The following PRKG1 variants were observed in gnomAD, a reference collection of about 807,000 sequenced individuals.
PRKG1 encodes protein kinase cGMP-dependent 1.
A neutral mutation model predicts 88.1 loss-of-function variants in PRKG1; 35 were observed. That is an observed-to-expected ratio of 0.40 (90% CI 0.30 to 0.53). The LOEUF is 0.53. PRKG1 is among the 20% of genes least tolerant of loss of function. The pLI is 0.59. For missense variants in PRKG1, 540 were observed against 839.8 expected (o/e 0.64, Z 4.41); for synonymous variants, 303 against 292.5 (o/e 1.04, Z -0.37).
intron 3 of PRKG1, among the ~76,000 whole-genome samples, chr10:51,687,018 A>G (rs562740335): frequency 1.6e-4 from 24 of 152,214 alleles, no homozygotes; most frequent in African/African-American, 5.5e-4. Context: ...TTACAGGCAT[A>G]TATTACACCC....
intron 3 of PRKG1, among the ~76,000 whole-genome samples, chr10:51,773,415 A>T (rs1838355290): frequency 6.6e-6 from 1 of 152,026 alleles, no homozygotes; most frequent in African/African-American, 2.4e-5. Context: ...AGTTCCTGTA[A>T]CTGCTTAAAG....
upstream of PRKG1, among the ~76,000 whole-genome samples, chr10:51,073,700 C>T (rs1362860477): frequency 6.6e-6 from 1 of 152,156 alleles, no homozygotes; most frequent in African/African-American, 2.4e-5. Context: ...GTAGCAACGC[C>T]TCGGGTGCTA....
chr10:51,226,051 A>C (rs1369106930), intron 2 of PRKG1, among the ~76,000 whole-genome samples: 1 of 152,084 alleles, frequency 6.6e-6, no homozygotes, highest in Non-Finnish European at 1.5e-5. Context: ...TAAAATACAA[A>C]AAGTTAGCCA....
chr10:51,064,723 C>T (rs967649584), intron 1 of PRKG1, among the ~76,000 whole-genome samples: 1 of 151,890 alleles, frequency 6.6e-6, no homozygotes. Flanking sequence ...ATTAACAAAC[C>T]ATATATTCCT....
intron 2 of PRKG1, among the ~76,000 whole-genome samples, chr10:51,197,930 C>T (rs1030311134): frequency 4.6e-5 from 7 of 151,710 alleles, no homozygotes; most frequent in Admixed American, 2.6e-4. Context: ...GACAAACATT[C>T]GACTTTAAAA....
upstream of PRKG1, among the ~76,000 whole-genome samples, chr10:51,071,033 G>A (rs971620815): frequency 6.6e-6 from 1 of 152,306 alleles, no homozygotes; most frequent in South Asian, 2.1e-4. Flanking sequence ...GGAATCTGAG[G>A]TAGACACTTC....
chr10:52,271,483 T>A lies in PRKG1; in HGVS notation c.1307T>A (p.Ile436Lys). 2 of 1,612,300 alleles carry A rather than the reference T, an allele frequency of 1.2e-6. No individual in the cohort carries two copies. Among genetic ancestry groups the A allele is most frequent in the Non-Finnish European group, 8.5e-7 (1 of 1,178,952 alleles). Residue 436 changes from isoleucine (I) to lysine (K), a missense_variant, in exon 11 of 18, where the codon ATA (isoleucine) becomes AAA (lysine). Physicochemically the swap from Ile to Lys is moderately radical, Grantham distance 102. Coordinates refer to ENST00000373980, the MANE Select transcript of PRKG1 (RefSeq NM_006258.4). ...ATGCAGGGGGCTCATTCCGATTTCA[T>A]AGTGAGGTAAAGGCTCCATGCCAGG... is the stretch of plus-strand genomic sequence containing the variant. ...QIMQGAHSDF[I>K]VRLYRTFKDS...
chr10:51,873,858 TAG>T (rs1841222962), intron 4 of PRKG1, among the ~76,000 whole-genome samples: 1 of 152,230 alleles, frequency 6.6e-6, no homozygotes, highest in Non-Finnish European at 1.5e-5. Flanking sequence ...GCCAAAACAT[TAG>T]AAATGTTTTC....
At chr10:51,824,545 A>G (rs1839836394) in intron 4 of PRKG1, among the ~76,000 whole-genome samples, 1 of 152,174 alleles carries the variant, frequency 6.6e-6, no homozygotes, top group African/African-American at 2.4e-5. Flanking sequence ...TCCATTTTGC[A>G]TTACTATAAA....
At position 51,602,732 on chromosome 10, in the gene PRKG1, A is replaced by ATGTGTGTG. The variant is rs4041278; in HGVS notation, c.592+134938_592+134945dup. On this transcript the variant is annotated intron_variant, in intron 3 of 17. Coordinates refer to ENST00000373980, the MANE Select transcript of PRKG1 (RefSeq NM_006258.4). ...GCCTGGCTGGCTTTGATTAATATAT[A>ATGTGTGTG]TGTGTGTGTGTGTGTGTGTGTGTGT... 4.3e-3 allele frequency among the ~76,000 whole-genome samples: 557 copies of ATGTGTGTG among 128,850 alleles called. 9 individuals carry two copies. The highest frequency in any genetic ancestry group is 0.012 in the African/African-American group (317 of 26,462). The allele number at this position is 128,850 out of a possible 152,430, so 84.5% of individuals were successfully genotyped here. A position where few individuals can be genotyped will look rare whatever the true frequency, so the allele number is the denominator to read the frequency against.
At chr10:51,448,795 A>G (rs1444055158) in intron 2 of PRKG1, among the ~76,000 whole-genome samples, 1 of 152,012 alleles carries the variant, frequency 6.6e-6, no homozygotes, top group Non-Finnish European at 1.5e-5. Flanking sequence ...AGCTTCCTGG[A>G]TACCTTAATT....
intron 2 of PRKG1, among the ~76,000 whole-genome samples, chr10:51,238,804 C>T (rs1186163377): frequency 6.6e-6 from 1 of 151,246 alleles, no homozygotes; most frequent in Non-Finnish European, 1.5e-5. Flanking sequence ...TTAACATAGG[C>T]CCTTCACATT....
intron 3 of PRKG1, among the ~76,000 whole-genome samples, chr10:51,802,977 C>G (rs980118306): frequency 6.6e-6 from 1 of 152,120 alleles, no homozygotes; most frequent in Non-Finnish European, 1.5e-5. Flanking sequence ...CAACTGTGCT[C>G]TTGTTTATGT....
At chr10:51,114,244 G>A (rs1021565586) in intron 1 of PRKG1, among the ~76,000 whole-genome samples, 1 of 152,094 alleles carries the variant, frequency 6.6e-6, no homozygotes, top group African/African-American at 2.4e-5. Context: ...AAGCTAGGGA[G>A]GTTGTGGAAA....
intron 2 of PRKG1, among the ~76,000 whole-genome samples, chr10:51,334,619 A>T (rs1032773033): frequency 6.6e-6 from 1 of 152,144 alleles, no homozygotes; most frequent in African/African-American, 2.4e-5. Flanking sequence ...ACTTTTGCTT[A>T]CCCCAACTCC....
At chr10:51,969,481 T>G (rs993110668) in intron 5 of PRKG1, among the ~76,000 whole-genome samples, 3 of 152,296 alleles carry the variant, frequency 2.0e-5, no homozygotes, top group Middle Eastern at 3.4e-3. Flanking sequence ...GCCTTTTCCC[T>G]GTAATTTTGG....
Position 52,046,210 on chromosome 10 carries a change from A to T in PRKG1, c.763-8274A>T, listed in dbSNP as rs114149255. Reference sequence around the variant, plus strand: ...TTAATTATATTGGATTTGGAGAATGACGCAATAAAAATAAATTCATTTCTA... The same window carrying T: ...TTAATTATATTGGATTTGGAGAATGTCGCAATAAAAATAAATTCATTTCTA... On this transcript the variant is annotated intron_variant, in intron 5 of 17. Coordinates refer to ENST00000373980, the MANE Select transcript of PRKG1 (RefSeq NM_006258.4). Among the ~76,000 whole-genome samples, 594 of 152,218 alleles carry T rather than the reference A, an allele frequency of 3.9e-3. 5 individuals are homozygous for T. Among genetic ancestry groups the T allele is most frequent in the African/African-American group, 0.013 (531 of 41,534 alleles).
chr10:51,351,833 A>T (rs981403640), intron 2 of PRKG1, among the ~76,000 whole-genome samples: 1 of 152,132 alleles, frequency 6.6e-6, no homozygotes, highest in African/African-American at 2.4e-5. Context: ...TATGTCCTGA[A>T]TGGTATTGCC....
At chr10:51,768,413 A>G (rs927152862) in intron 3 of PRKG1, among the ~76,000 whole-genome samples, 4 of 152,216 alleles carry the variant, frequency 2.6e-5, no homozygotes, top group Non-Finnish European at 5.9e-5. Flanking sequence ...ATTTTAAAAT[A>G]TATGGCTAAA....
Sources: allele counts gnomAD v4.1 joint callset (sites outside exome capture counted in the v4.1 genomes callset), GRCh38; gene constraint gnomAD v4.1.1; transcripts MANE v1.5; gene names NCBI Gene and HGNC (gene_info 2026-07-23, HGNC 2026-07-21).